Variants in DBF4 observed in about 807,000 individuals in gnomAD.
The protein encoded by DBF4 is protein DBF4 homolog A.
A neutral mutation model predicts 76.6 loss-of-function variants in DBF4; 25 were observed. The observed-to-expected ratio is 0.33, with a 90% CI of 0.24 to 0.46. The LOEUF is 0.46. DBF4 is among the 20% of genes least tolerant of loss of function. DBF4 has a pLI of 1.00. For synonymous variants in DBF4, 213 were observed against 258.0 expected (o/e 0.83, Z 1.67); for missense variants, 638 against 760.8 (o/e 0.84, Z 1.90).
rs567356842 is a variant in DBF4, at chr7:87,903,840, A to G, written c.925-452A>G. 5.9e-5 allele frequency among the ~76,000 whole-genome samples: 9 copies of G among 152,118 alleles called. No individual in the cohort carries two copies. In the South Asian group the frequency reaches 1.0e-3, roughly 18 times the overall value. On this transcript the variant is annotated intron_variant, in intron 10 of 11. Coordinates refer to ENST00000265728, the MANE Select transcript of DBF4 (RefSeq NM_006716.4). ...CTCCCAAGTATCTGGGACTACAGGC[A>G]TGTGCCACCAGGCCCAGCCGATTTT...
In DBF4 at chr7:87,878,128, C is replaced by A; in HGVS notation, c.122C>A (p.Ser41Tyr). Reference protein sequence around the residue: ...SLKTDNRPEKSKCKPLWGKVF... With the variant: ...SLKTDNRPEKYKCKPLWGKVF... ...AAAACTGATAACAGGCCAGAAAAAT[C>A]CAAATGTAAGCCACTTTGGGGAAAA... The change falls in exon 2 of 12, where the codon TCC becomes TAC. Residue 41 changes from serine to tyrosine, a missense_variant. Transcript: ENST00000265728. 1 of 1,612,718 alleles carries A rather than the reference C, an allele frequency of 6.2e-7. No homozygotes were observed. Among genetic ancestry groups the A allele is most frequent in the Non-Finnish European group, 8.5e-7 (1 of 1,179,610 alleles).
intron 6 of DBF4, among the ~76,000 whole-genome samples, chr7:87,891,470 T>C (rs934715949): frequency 6.6e-6 from 1 of 152,196 alleles, no homozygotes; most frequent in Non-Finnish European, 1.5e-5. Context: ...TCATTAGATA[T>C]AGGATAATTC....
At chr7:87,893,047 T>C (rs1839532555) in intron 6 of DBF4, among the ~76,000 whole-genome samples, 1 of 152,160 alleles carries the variant, frequency 6.6e-6, no homozygotes, top group Non-Finnish European at 1.5e-5. Flanking sequence ...ACTTGAGTGA[T>C]AGCGTTGCTC....
At chr7:87,895,872 C>G (rs568128767) in intron 6 of DBF4, among the ~76,000 whole-genome samples, 6 of 152,266 alleles carry the variant, frequency 3.9e-5, no homozygotes, top group African/African-American at 1.2e-4. Flanking sequence ...TACAGGGATT[C>G]TCTTGGTATT....
chr7:87,877,782 C>T (rs1839105790), intron 1 of DBF4, among the ~76,000 whole-genome samples: 1 of 152,126 alleles, frequency 6.6e-6, no homozygotes, highest in Non-Finnish European at 1.5e-5. Flanking sequence ...GAAAATCTTT[C>T]AAAAGAGTTT....
At chr7:87,885,517 T>C (rs12669619) in intron 3 of DBF4, among the ~76,000 whole-genome samples, 15,973 of 152,302 alleles carry the variant, frequency 0.1, 1,072 homozygotes, top group African/African-American at 0.19. Flanking sequence ...GGGCCAAATC[T>C]AGTCTGTTGC....
At chr7:87,904,213 T>C in intron 10 of DBF4, 79 bp from the exon 11 acceptor site, 1 of 1,434,538 alleles carries the variant, frequency 7.0e-7, no homozygotes. Context: ...GGCATGAGAA[T>C]GTTAGAAAAC....
chr7:87,889,690 A>G (rs1453862708), intron 6 of DBF4, among the ~76,000 whole-genome samples: 1 of 152,232 alleles, frequency 6.6e-6, no homozygotes, highest in Non-Finnish European at 1.5e-5. Flanking sequence ...ATTCACGTTT[A>G]TATAAGGATA....
intron 1 of DBF4, among the ~76,000 whole-genome samples, chr7:87,877,082 G>C (rs1326995737): frequency 1.3e-5 from 2 of 152,224 alleles, no homozygotes; most frequent in East Asian, 3.9e-4. Context: ...GGCGCTGTCT[G>C]CTCCCGGGCT....
Position 87,888,014 on chromosome 7 carries a change from A to C in DBF4, c.552A>C (p.Lys184Asn). ...GATACTACATTGAACAAAAGAAAAA[A>C]GAGTTGTATTTACTCAAGAAATCAA... Reference protein sequence around the residue: ...DIRYYIEQKKKELYLLKKSST... With the variant: ...DIRYYIEQKKNELYLLKKSST... The change falls in exon 6 of 12, where the codon AAA (lysine) becomes AAC (asparagine). Residue 184 changes from lysine to asparagine, a missense_variant. Physicochemically the swap from Lys to Asn is moderately conservative, Grantham distance 94 (BLOSUM62 0). Coordinates refer to ENST00000265728, the MANE Select transcript of DBF4 (RefSeq NM_006716.4). 6.4e-7 allele frequency: 1 copy of C among 1,560,604 alleles called. No homozygotes were observed. Among genetic ancestry groups the C allele is most frequent in the African/African-American group, 1.4e-5 (1 of 72,006 alleles).
At chr7:87,888,841 T>C (rs1346046788) in intron 6 of DBF4, among the ~76,000 whole-genome samples, 1 of 152,194 alleles carries the variant, frequency 6.6e-6, no homozygotes, top group African/African-American at 2.4e-5. Flanking sequence ...ACTTTTCTAT[T>C]CTCTTCTGAA....
rs755503406 is a variant in DBF4 at position 87,909,242 on chromosome 7, A to C, written c.*1079A>C. 1 of 152,230 alleles carries C rather than the reference A, an allele frequency of 6.6e-6. No homozygotes were observed. Among genetic ancestry groups the C allele is most frequent in the Non-Finnish European group, 1.5e-5 (1 of 68,036 alleles). 9.4% of individuals were successfully genotyped at this position (152,230 alleles called of 1,614,324 possible). On this transcript the variant is annotated 3_prime_UTR_variant, in exon 12 of 12. Transcript: ENST00000265728. ...AGAAAATTCAAATATAAGAAATTTC[A>C]ATTTGAATCTGTGGATATAAGGCAT...
At chr7:87,883,378 T>G (rs1054643516) in intron 2 of DBF4, among the ~76,000 whole-genome samples, 5 of 152,206 alleles carry the variant, frequency 3.3e-5, no homozygotes, top group African/African-American at 1.2e-4. Flanking sequence ...GTGAGTGTAC[T>G]TACTGCCGTT....
chr7:87,882,431 T>C (rs1001556834), intron 2 of DBF4, among the ~76,000 whole-genome samples: 1 of 152,182 alleles, frequency 6.6e-6, no homozygotes, highest in Non-Finnish European at 1.5e-5. Context: ...TTGGATATGA[T>C]ACCAAAATCA....
intron 1 of DBF4, among the ~76,000 whole-genome samples, 168 bp from the exon 2 acceptor site, chr7:87,877,885 G>A (rs541267607): frequency 6.6e-6 from 1 of 152,168 alleles, no homozygotes; most frequent in Non-Finnish European, 1.5e-5. Flanking sequence ...AGTATATAGG[G>A]CATTTTGCCT....
chr7:87,880,429 A>T (rs560077134), intron 2 of DBF4, among the ~76,000 whole-genome samples: 1 of 152,144 alleles, frequency 6.6e-6, no homozygotes, highest in Non-Finnish European at 1.5e-5. Flanking sequence ...TGGATTTTCA[A>T]TGGAATTTGA....
intron 8 of DBF4, 103 bp from the exon 9 acceptor site, chr7:87,900,118 A>G: frequency 2.0e-6 from 2 of 981,788 alleles, no homozygotes; most frequent in Non-Finnish European, 1.5e-6. Flanking sequence ...ATAATTTGTT[A>G]TTTCAGATTC....
intron 11 of DBF4, among the ~76,000 whole-genome samples, chr7:87,905,965 C>G (rs1839903077): frequency 6.6e-6 from 1 of 151,250 alleles, no homozygotes; most frequent in Non-Finnish European, 1.5e-5. Context: ...AGTTCCAGAC[C>G]AGCCTAGCCA....
chr7:87,904,946 T>G (rs1347560453), intron 11 of DBF4, among the ~76,000 whole-genome samples: 3 of 152,160 alleles, frequency 2.0e-5, no homozygotes, highest in African/African-American at 7.2e-5. Flanking sequence ...AAACTTTTCC[T>G]TTTTTAAATT....
Sources: allele counts gnomAD v4.1 joint callset (sites outside exome capture counted in the v4.1 genomes callset), GRCh38; gene constraint gnomAD v4.1.1; transcripts MANE v1.5; gene names NCBI Gene and HGNC (gene_info 2026-07-23, HGNC 2026-07-21).